Variants in RELN observed in about 807,000 individuals in gnomAD.
RELN encodes the protein reelin.
RELN carries 108 observed loss-of-function variants against 427.6 expected under a neutral mutation model. The observed-to-expected ratio is 0.25, with a 90% CI of 0.22 to 0.30. The LOEUF is 0.30. Among genes scored for constraint, RELN ranks in the 10% least tolerant of loss-of-function variants. The pLI, the probability that RELN is intolerant of heterozygous loss-of-function variation, is 1.00. For missense variants in RELN, 3,715 were observed against 4,302.8 expected, an observed-to-expected ratio of 0.86 and a Z score of 3.82; for synonymous variants, 1,524 against 1,513.4, an observed-to-expected ratio of 1.01 and a Z score of -0.16.
At chr7:103,484,376 CCT>C (rs1172241853) in intron 61 of RELN, 1 of 162,354 alleles carries the variant, frequency 6.2e-6, no homozygotes, top group Non-Finnish European at 1.4e-5. Context: ...CTGATCCTCC[CCT>C]GTTGGGGATG....
At chr7:103,848,186 T>C (rs950037241) in intron 2 of RELN, among the ~76,000 whole-genome samples, 8 of 152,186 alleles carry the variant, frequency 5.3e-5, no homozygotes, top group Non-Finnish European at 1.2e-4. Context: ...TAGGGTTTCA[T>C]GCTCAGCGTG....
intron 11 of RELN, among the ~76,000 whole-genome samples, chr7:103,676,746 G>A (rs564647306): frequency 5.3e-4 from 81 of 151,938 alleles, no homozygotes; most frequent in African/African-American, 1.7e-3. Flanking sequence ...GTAGGGACAC[G>A]GATGAAACTG....
At chr7:103,693,959 C>T (rs1466495817) in intron 10 of RELN, among the ~76,000 whole-genome samples, 2 of 152,104 alleles carry the variant, frequency 1.3e-5, no homozygotes, top group Non-Finnish European at 2.9e-5. Context: ...GTTTGCCCAT[C>T]AGTAGCTAAG....
chr7:103,519,955 C>T (rs1451897788), intron 48 of RELN, among the ~76,000 whole-genome samples: 1 of 152,182 alleles, frequency 6.6e-6, no homozygotes, highest in East Asian at 1.9e-4. Context: ...GCCTAGTACA[C>T]AGTAGGTACC....
At chr7:103,811,063 T>C (rs990190902) in intron 3 of RELN, among the ~76,000 whole-genome samples, 3 of 152,254 alleles carry the variant, frequency 2.0e-5, no homozygotes, top group African/African-American at 7.2e-5. Context: ...AATGTTCAAT[T>C]ATTTATTTTT....
rs1795297702 is a variant in RELN, at chr7:103,909,666, T to C, written c.337+7409A>G. Among the ~76,000 whole-genome samples, 5 of 87,422 alleles carry C rather than the reference T, an allele frequency of 5.7e-5. No homozygotes were observed. The South Asian group carries it at 1.3e-3, about 23-fold the overall frequency. 57.4% of individuals were successfully genotyped at this position (87,422 alleles called of 152,430 possible). ...AATATATATATTTAATATATATAAATATATATTAAATATATTTAATAAATA... is the reference window on the plus strand; with the variant it reads ...AATATATATATTTAATATATATAAACATATATTAAATATATTTAATAAATA... On this transcript the variant is annotated intron_variant, in intron 2 of 64. Transcript: ENST00000428762.
At chr7:103,517,257 C>T (rs975387849) in intron 49 of RELN, among the ~76,000 whole-genome samples, 1 of 128,536 alleles carries the variant, frequency 7.8e-6, no homozygotes, top group Non-Finnish European at 1.5e-5. Context: ...ACATACTATC[C>T]GAAATCTGTC....
chr7:103,937,963 T>A lies in RELN; in HGVS notation c.227-20778A>T, dbSNP rs541265462. 1.5e-3 allele frequency among the ~76,000 whole-genome samples: 230 copies of A among 152,294 alleles called. 2 individuals are homozygous for A. Among genetic ancestry groups the A allele is most frequent in the Non-Finnish European group, 2.7e-3 (185 of 68,018 alleles). On this transcript the variant is annotated intron_variant, in intron 1 of 64. Transcript: ENST00000428762. ...ACCCCATCCCCACTAACCTTCATTT[T>A]TGTGAATGAATTTTTTATTTTATTA...
At chr7:103,689,418 G>T (rs190982141) in intron 10 of RELN, among the ~76,000 whole-genome samples, 1 of 152,202 alleles carries the variant, frequency 6.6e-6, no homozygotes, top group Admixed American at 6.5e-5. Flanking sequence ...TGCAAGCTGA[G>T]GGTAACCACG....
chr7:103,769,353 C>T (rs1261162786), intron 4 of RELN, among the ~76,000 whole-genome samples: 1 of 152,120 alleles, frequency 6.6e-6, no homozygotes, highest in Non-Finnish European at 1.5e-5. Flanking sequence ...CTTTGCCTTC[C>T]ACCACGTGAG....
chr7:103,776,302 A>C (rs1791740975), intron 4 of RELN, among the ~76,000 whole-genome samples: 1 of 152,240 alleles, frequency 6.6e-6, no homozygotes, highest in African/African-American at 2.4e-5. Context: ...TTGTACTTCC[A>C]GAATAACTAA....
intron 8 of RELN, among the ~76,000 whole-genome samples, chr7:103,708,697 TC>T (rs763022913): frequency 1.3e-5 from 2 of 152,020 alleles, no homozygotes; most frequent in Non-Finnish European, 2.9e-5. Context: ...TCTCCTGACC[TC>T]GTGATCCGCC....
chr7:103,799,880 C>T (rs532388135), intron 3 of RELN, among the ~76,000 whole-genome samples: 1 of 152,256 alleles, frequency 6.6e-6, no homozygotes, highest in Admixed American at 6.5e-5. Flanking sequence ...GTACCCACCT[C>T]ATAGGGTAAT....
chr7:103,835,470 A>G (rs543167799), intron 2 of RELN, among the ~76,000 whole-genome samples: 53 of 152,328 alleles, frequency 3.5e-4, no homozygotes, highest in African/African-American at 1.3e-3. Flanking sequence ...GTGTCGATGT[A>G]GGTTCATTGA....
chr7:103,743,549 A>C (rs1419652208), intron 6 of RELN, among the ~76,000 whole-genome samples: 2 of 152,210 alleles, frequency 1.3e-5, no homozygotes, highest in African/African-American at 4.8e-5. Flanking sequence ...ATAGGCTCAA[A>C]ATAAAGGGAT....
intron 3 of RELN, among the ~76,000 whole-genome samples, chr7:103,790,356 T>G (rs903039965): frequency 1.3e-5 from 2 of 152,148 alleles, no homozygotes; most frequent in Non-Finnish European, 2.9e-5. Flanking sequence ...TTCCACTGGA[T>G]AGCTATATCA....
intron 16 of RELN, among the ~76,000 whole-genome samples, chr7:103,641,682 A>G (rs1832696572): frequency 6.6e-6 from 1 of 152,186 alleles, no homozygotes; most frequent in African/African-American, 2.4e-5. Flanking sequence ...GAAACATATT[A>G]TGCTTAGCAT....
chr7:103,795,755 C>T (rs1330777342), intron 3 of RELN, among the ~76,000 whole-genome samples: 1 of 152,172 alleles, frequency 6.6e-6, no homozygotes, highest in Non-Finnish European at 1.5e-5. Context: ...CCCTTACTAA[C>T]AGCAGGAAAA....
At chr7:103,474,226 G>T (rs1827952954) in intron 64 of RELN, among the ~76,000 whole-genome samples, 1 of 151,968 alleles carries the variant, frequency 6.6e-6, no homozygotes, top group Admixed American at 6.6e-5. Flanking sequence ...GACATAAATT[G>T]AATTTCATCA....
Sources: allele counts gnomAD v4.1 joint callset (sites outside exome capture counted in the v4.1 genomes callset), GRCh38; gene constraint gnomAD v4.1.1; transcripts MANE v1.5; gene names NCBI Gene and HGNC (gene_info 2026-07-23, HGNC 2026-07-21).